P2RY12: variants seen among roughly 807,000 people sequenced by gnomAD.
The protein encoded by P2RY12 is P2Y purinoceptor 12.
Under a neutral mutation model 4.5 loss-of-function variants are expected in P2RY12, and 3 were observed. The observed-to-expected ratio is 0.67, with a 90% CI of 0.31 to 1.74. P2RY12 has a LOEUF of 1.74. Ranked by LOEUF, P2RY12 falls within the 40% of genes most tolerant of loss-of-function variation. The pLI, the probability that P2RY12 is intolerant of heterozygous loss-of-function variation, is 0.09. For missense variants in P2RY12, 356 were observed against 407.8 expected (o/e 0.87, Z 1.09); for synonymous variants, 148 against 154.1 (o/e 0.96, Z 0.29).
rs181591439 is a variant in P2RY12, at chr3:151,359,031, G to A, written c.-179-18271C>T. On this transcript the variant is annotated intron_variant, in intron 1 of 2. Transcript: ENST00000302632. Reference sequence around the variant, plus strand: ...TTCAGGTTATGATTGAAACCATCAGGAAGTGAGCATAGTACTCAGTAGGTA... The same window carrying A: ...TTCAGGTTATGATTGAAACCATCAGAAAGTGAGCATAGTACTCAGTAGGTA... 3.6e-3 allele frequency among the ~76,000 whole-genome samples: 542 copies of A among 152,224 alleles called. 4 individuals carry two copies. The highest frequency in any genetic ancestry group is 0.013 in the African/African-American group (523 of 41,542).
At chr3:151,375,286 A>T (rs1221374685) in intron 1 of P2RY12, among the ~76,000 whole-genome samples, 4 of 152,252 alleles carry the variant, frequency 2.6e-5, no homozygotes, top group Non-Finnish European at 5.9e-5. Context: ...TGGTGGTTAA[A>T]AAACAGACTT....
chr3:151,372,590 A>G (rs767668236), intron 1 of P2RY12: 2 of 1,613,842 alleles, frequency 1.2e-6, no homozygotes, highest in Non-Finnish European at 8.5e-7. Context: ...TGGCAATAAC[A>G]GTGTCAGCTC....
At chr3:151,378,313 G>A in intron 1 of P2RY12, 4 of 872,612 alleles carry the variant, frequency 4.6e-6, no homozygotes, top group Non-Finnish European at 4.9e-6. Flanking sequence ...ATTCTATTAG[G>A]CAAGGCTGTC....
At chr3:151,382,646 C>T (rs187903371) in intron 1 of P2RY12, 21 of 1,591,866 alleles carry the variant, frequency 1.3e-5, no homozygotes, top group African/African-American at 6.8e-5. Context: ...AGTTTTTTTC[C>T]GGATCTTAGA....
intron 1 of P2RY12, among the ~76,000 whole-genome samples, chr3:151,353,253 C>T (rs1221740358): frequency 6.6e-6 from 1 of 152,146 alleles, no homozygotes; most frequent in African/African-American, 2.4e-5. Context: ...ATTTTGTGCA[C>T]AAGACTATTG....
chr3:151,344,588 T>TGCAC (rs1752300945), intron 1 of P2RY12, among the ~76,000 whole-genome samples: 1 of 152,196 alleles, frequency 6.6e-6, no homozygotes, highest in African/African-American at 2.4e-5. Context: ...GATAGGTTGC[T>TGCAC]ATGTGCAGTT....
At chr3:151,382,639 T>G in intron 1 of P2RY12, 1 of 1,596,040 alleles carries the variant, frequency 6.3e-7, no homozygotes. Context: ...AATGGGGAGT[T>G]TTTTTCCGGA....
rs918859754 is a variant in P2RY12 at position 151,362,241 on chromosome 3, C to T, written c.-179-21481G>A. 3.3e-5 allele frequency among the ~76,000 whole-genome samples: 5 copies of T among 152,128 alleles called. No homozygotes were observed. The East Asian group carries it at 7.7e-4, about 24-fold the overall frequency. On this transcript the variant is annotated intron_variant, in intron 1 of 2. Coordinates refer to ENST00000302632, the MANE Select transcript of P2RY12 (RefSeq NM_022788.5). Reference sequence around the variant, plus strand: ...CATTTTCAACATCCACTAAAGTGATCCTTTTAATATACGAATGATTCACAG... The same window carrying T: ...CATTTTCAACATCCACTAAAGTGATTCTTTTAATATACGAATGATTCACAG...
chr3:151,341,570 T>A (rs1328372206), intron 1 of P2RY12, among the ~76,000 whole-genome samples: 2 of 151,208 alleles, frequency 1.3e-5, no homozygotes, highest in Non-Finnish European at 2.9e-5. Context: ...CTTTAACTTT[T>A]TTTTTTTAAT....
chr3:151,338,879 A>G lies in P2RY12; in HGVS notation c.-14-20T>C, dbSNP rs754761664. The G allele has an allele frequency of 4.4e-6, 7 of 1,604,254 alleles. No homozygotes were observed. The highest frequency in any genetic ancestry group is 6.0e-6 in the Non-Finnish European group (7 of 1,171,580). On this transcript the variant is annotated intron_variant, in intron 2 of 2. Coordinates refer to ENST00000302632, the MANE Select transcript of P2RY12 (RefSeq NM_022788.5). ...GGTTACCTAGAGAACAAAAGAGAGGATGGTTATTTTCAGCCTAAGGTAGTT... is the reference window on the plus strand; with the variant it reads ...GGTTACCTAGAGAACAAAAGAGAGGGTGGTTATTTTCAGCCTAAGGTAGTT...
At chr3:151,366,367 A>G (rs1755267561) in intron 1 of P2RY12, among the ~76,000 whole-genome samples, 1 of 152,194 alleles carries the variant, frequency 6.6e-6, no homozygotes, top group South Asian at 2.1e-4. Context: ...CACATTCTGA[A>G]GAAGGCCACT....
chr3:151,367,788 T>C, intron 1 of P2RY12: 1 of 1,590,864 alleles, frequency 6.3e-7, no homozygotes, highest in Non-Finnish European at 8.6e-7. Flanking sequence ...TCCATGAACA[T>C]CCGTTGCTCT....
chr3:151,340,549 G>C (rs1390166855), intron 2 of P2RY12, 47 bp downstream of exon 2: 3 of 152,586 alleles, frequency 2.0e-5, no homozygotes, highest in Admixed American at 1.3e-4. Context: ...ACACATATCA[G>C]AGTGTAAATA....
intron 1 of P2RY12, among the ~76,000 whole-genome samples, chr3:151,382,086 G>A (rs16863350): frequency 0.07 from 10,610 of 152,162 alleles, 517 homozygotes; most frequent in Middle Eastern, 0.18. Flanking sequence ...CAGCATTAGT[G>A]TGAGTCAGTG....
At chr3:151,359,823 T>C (rs371167909) in intron 1 of P2RY12, among the ~76,000 whole-genome samples, 9 of 152,252 alleles carry the variant, frequency 5.9e-5, no homozygotes, top group African/African-American at 2.2e-4. Context: ...CACAAGTGTT[T>C]ACAGCTGTGG....
chr3:151,339,264 T>C (rs1234822925), intron 2 of P2RY12, among the ~76,000 whole-genome samples: 3 of 151,906 alleles, frequency 2.0e-5, no homozygotes, highest in Non-Finnish European at 4.4e-5. Flanking sequence ...CAGTCACTTT[T>C]CCCCCCAACG....
intron 1 of P2RY12, among the ~76,000 whole-genome samples, chr3:151,361,293 GT>G (rs1007870989): frequency 4.1e-4 from 63 of 152,048 alleles, no homozygotes; most frequent in African/African-American, 1.5e-3. Flanking sequence ...GTGTTAATGA[GT>G]TTTTTTAAAA....
chr3:151,338,826 AGGTTGTCG>A lies in P2RY12; in HGVS notation c.12_19del (p.Asp5HisfsTer6), dbSNP rs1751397527. On this transcript the variant is annotated frameshift_variant, in exon 3 of 3. Coordinates refer to ENST00000302632, the MANE Select transcript of P2RY12 (RefSeq NM_022788.5). LOFTEE classifies it high-confidence loss of function. ...ACTGGTGTTACCAGGCGCAGAGGTG[AGGTTGTCG>A]ACGGCTTGCATTTCTTGTTGGTTAC... The A allele has an allele frequency of 6.2e-7, 1 of 1,613,654 alleles. No individual in the cohort carries two copies. Among genetic ancestry groups the A allele is most frequent in the African/African-American group, 1.3e-5 (1 of 74,872 alleles).
chr3:151,368,197 C>G, intron 1 of P2RY12: 1 of 1,614,124 alleles, frequency 6.2e-7, no homozygotes, highest in Non-Finnish European at 8.5e-7. Context: ...GACATGCCGA[C>G]TCTTGCTTCA....
Sources: allele counts gnomAD v4.1 joint callset (sites outside exome capture counted in the v4.1 genomes callset), GRCh38; gene constraint gnomAD v4.1.1; transcripts MANE v1.5; gene names NCBI Gene and HGNC (gene_info 2026-07-23, HGNC 2026-07-21).